The following ASMTL variants were observed in gnomAD, a reference collection of about 807,000 sequenced individuals.
ASMTL encodes the protein probable bifunctional dTTP/UTP pyrophosphatase/methyltransferase protein.
A neutral mutation model predicts 60.3 loss-of-function variants in ASMTL; 57 were observed. The observed-to-expected ratio is 0.95, with a 90% CI of 0.76 to 1.18. The LOEUF (loss-of-function observed/expected upper bound fraction) is 1.18, where lower values mean the gene tolerates loss of function less well. ASMTL is among the 50% of genes most tolerant of loss of function. The pLI is 0.00. For missense variants in ASMTL, 981 were observed against 852.6 expected (o/e 1.15, Z -1.88); for synonymous variants, 419 against 373.0 (o/e 1.12, Z -1.42).
At chrX:1,418,159 G>A (rs1300100867) in intron 10 of ASMTL, 43 bp from the exon 11 acceptor site, 7 of 1,552,630 alleles carry the variant, frequency 4.5e-6, no homozygotes, top group East Asian at 4.6e-5. Context: ...GGTCGTCTAT[G>A]GAACTCTGAC....
intron 2 of ASMTL, 116 bp from the exon 3 acceptor site, chrX:1,439,260 G>C: frequency 9.6e-7 from 1 of 1,046,528 alleles, no homozygotes; most frequent in Non-Finnish European, 1.4e-6. Flanking sequence ...GCCGACTTTG[G>C]AAGTGAAGGC....
In ASMTL at chrX:1,433,431, C is replaced by T. The variant is rs1407346655; in HGVS notation, c.401-1054G>A. 3.4e-5 allele frequency among the ~76,000 whole-genome samples: 5 copies of T among 146,392 alleles called. No individual in the cohort carries two copies. In the East Asian group the frequency reaches 6.2e-4, roughly 18 times the overall value. On this transcript the variant is annotated intron_variant, in intron 5 of 12. Transcript: ENST00000381317. ...CTGTCATCCCAGCACTTTGGGAGGC[C>T]GAGGCGGGCGGATCACAAGGTCAGG...
At chrX:1,407,455 GTAGA>G (rs747024101) in intron 12 of ASMTL, among the ~76,000 whole-genome samples, 240 of 150,658 alleles carry the variant, frequency 1.6e-3, no homozygotes, top group African/African-American at 5.6e-3. Context: ...TAGATGATAG[GTAGA>G]TAGATGAATA....
Position 1,415,845 on chromosome X carries a change from G to C in ASMTL, c.1522+2128C>G, listed in dbSNP as rs1603450682. 1.4e-4 allele frequency among the ~76,000 whole-genome samples: 21 copies of C among 151,908 alleles called. No homozygotes were observed. In the South Asian group the frequency reaches 4.4e-3, roughly 32 times the overall value. On this transcript the variant is annotated intron_variant, in intron 11 of 12. Coordinates refer to ENST00000381317, the MANE Select transcript of ASMTL (RefSeq NM_004192.4). ...GCACAGGCAGACCCACGGACGCACAGACACAGACACAGGCACACACACATA... is the reference window on the plus strand; with the variant it reads ...GCACAGGCAGACCCACGGACGCACACACACAGACACAGGCACACACACATA...
chrX:1,420,292 T>TG (rs2090447397), intron 9 of ASMTL, among the ~76,000 whole-genome samples: 1 of 136,126 alleles, frequency 7.3e-6, no homozygotes, highest in East Asian at 2.1e-4. Flanking sequence ...TCTGTCTCCC[T>TG]GTTTCTGTCT....
At chrX:1,439,006 G>C (rs549279707) in intron 3 of ASMTL, 91 bp downstream of exon 3, 4 of 1,371,120 alleles carry the variant, frequency 2.9e-6, no homozygotes, top group East Asian at 2.3e-5. Context: ...GCTGTCTTAA[G>C]GGGAATGTAC....
chrX:1,415,101 T>C (rs78241516), intron 11 of ASMTL, among the ~76,000 whole-genome samples: 125,833 of 151,754 alleles, frequency 0.83, 52,588 homozygotes, highest in Middle Eastern at 0.94. Flanking sequence ...CCACCATGCC[T>C]GGCTAATTTC....
intron 6 of ASMTL, among the ~76,000 whole-genome samples, chrX:1,428,368 G>A (rs1436713733): frequency 6.6e-6 from 1 of 151,358 alleles, no homozygotes; most frequent in South Asian, 2.1e-4. Flanking sequence ...AAGGCTGGGC[G>A]CAATGGCTCA....
At chrX:1,412,941 C>G (rs1354979385) in intron 11 of ASMTL, 87 bp from the exon 12 acceptor site, 150 of 1,475,254 alleles carry the variant, frequency 1.0e-4, no homozygotes, top group Non-Finnish European at 1.3e-4. Flanking sequence ...CACCCGCATC[C>G]TAAATCAGGG....
At chrX:1,442,745 A>G (rs2091134575) in intron 1 of ASMTL, among the ~76,000 whole-genome samples, 1 of 152,194 alleles carries the variant, frequency 6.6e-6, no homozygotes, top group Admixed American at 6.5e-5. Context: ...GAAAAACGCC[A>G]GCAATGATGG....
At chrX:1,441,955 G>A in intron 2 of ASMTL, 1 of 534,526 alleles carries the variant, frequency 1.9e-6, no homozygotes, top group Non-Finnish European at 3.3e-6. Context: ...TCAATTGCAA[G>A]AGAATATTAT....
At chrX:1,416,736 C>T (rs1220676620) in intron 11 of ASMTL, among the ~76,000 whole-genome samples, 2 of 15,678 alleles carry the variant, frequency 1.3e-4, no homozygotes, top group Non-Finnish European at 4.0e-3. Flanking sequence ...ACATACCACA[C>T]ACAGTCAGTC....
rs761161897 is a variant in ASMTL, at chrX:1,418,966, C to T, written c.1378+16G>A. ...TAAACGAAAGTAAGGAGAGCCCTGGCGGGGGGGCCACCCACCTCCCACGTC... is the reference window on the plus strand; with the variant it reads ...TAAACGAAAGTAAGGAGAGCCCTGGTGGGGGGGCCACCCACCTCCCACGTC... On this transcript the variant is annotated intron_variant, in intron 10 of 12. Transcript: ENST00000381317. 28 of 1,611,084 alleles carry T rather than the reference C, an allele frequency of 1.7e-5. No individual in the cohort carries two copies. In the African/African-American group the frequency reaches 1.7e-4, roughly 10 times the overall value.
intron 9 of ASMTL, among the ~76,000 whole-genome samples, chrX:1,420,664 G>A (rs1207372190): frequency 3.5e-4 from 53 of 152,316 alleles, no homozygotes; most frequent in African/African-American, 1.1e-3. Flanking sequence ...GGTTCTGGGC[G>A]GGGAAAGGGG....
Position 1,406,550 on chromosome X carries a change from GTGGA to G in ASMTL, c.1646-3065_1646-3062del, listed in dbSNP as rs751024823. On this transcript the variant is annotated intron_variant, in intron 12 of 12. Coordinates refer to ENST00000381317, the MANE Select transcript of ASMTL (RefSeq NM_004192.4). Reference sequence around the variant, plus strand: ...TAGATGGTAGATGATGGGTAGGTAGGTGGATGGATGGATGGATAGATGGCATGGA... The same window carrying G: ...TAGATGGTAGATGATGGGTAGGTAGGTGGATGGATGGATAGATGGCATGGA... Among the ~76,000 whole-genome samples the G allele has an allele frequency of 1.6e-4, 24 of 146,384 alleles. 1 individual carries two copies. The South Asian group carries it at 3.5e-3, about 21-fold the overall frequency.
Position 1,442,214 on chromosome X carries a change from G to GA in ASMTL, c.196_197insT (p.Ala66ValfsTer175). ...GTACAGCCGGTTGGCCACCTCCAGG[G>GA]CCTTCTGCTTGGCGGTCTCCATGGC... is the stretch of plus-strand genomic sequence containing the variant. On this transcript the variant is annotated frameshift_variant, in exon 2 of 13. Coordinates refer to ENST00000381317, the MANE Select transcript of ASMTL (RefSeq NM_004192.4). LOFTEE classifies it high-confidence loss of function. 6.2e-7 allele frequency: 1 copy of GA among 1,613,772 alleles called. No individual in the cohort carries two copies. The highest frequency in any genetic ancestry group is 8.5e-7 in the Non-Finnish European group (1 of 1,179,846).
Position 1,418,106 on chromosome X carries a change from A to T in ASMTL, c.1389T>A (p.Gly463=). The change falls in exon 11 of 13, where the codon GGT becomes GGA. Residue 463 remains glycine (G), a synonymous_variant. Transcript: ENST00000381317. ...CACGGGCCAGCTCTCGGGCCAGTGC[A>T]CCCGTGCAGCCTGCGGGGAAGCAAA... ...SSACDVGGCT[G]ALARELAREY... 1 of 1,605,510 alleles carries T rather than the reference A, an allele frequency of 6.2e-7. No individual in the cohort carries two copies. The highest frequency in any genetic ancestry group is 1.1e-5 in the South Asian group (1 of 90,274).
chrX:1,435,808 C>G, intron 3 of ASMTL, 50 bp from the exon 4 acceptor site: 1 of 1,508,026 alleles, frequency 6.6e-7, no homozygotes, highest in Non-Finnish European at 9.2e-7. Context: ...CTGGGTCAGG[C>G]CTGTGCAAGT....
At chrX:1,404,199 AGATG>A (rs1348233155) in intron 12 of ASMTL, among the ~76,000 whole-genome samples, 8 of 137,338 alleles carry the variant, frequency 5.8e-5, no homozygotes, top group South Asian at 4.9e-4. Flanking sequence ...TGCATGGATG[AGATG>A]GATGGGTGAA....
Sources: allele counts gnomAD v4.1 joint callset (sites outside exome capture counted in the v4.1 genomes callset), GRCh38; gene constraint gnomAD v4.1.1; transcripts MANE v1.5; gene names NCBI Gene and HGNC (gene_info 2026-07-23, HGNC 2026-07-21).